Variants in GPA33 observed in about 807,000 individuals in gnomAD.
The protein encoded by GPA33 is cell surface A33 antigen.
In GPA33, 27 loss-of-function variants were observed where a neutral mutation model predicts 35.6. The ratio of observed to expected loss-of-function variants is 0.76; its 90% CI spans 0.56 to 1.04. GPA33 has a LOEUF of 1.04. GPA33 is among the 50% of genes least tolerant of loss of function. The pLI is 0.00. For missense variants in GPA33, 428 were observed against 411.9 expected, an observed-to-expected ratio of 1.04 and a Z score of -0.34; for synonymous variants, 176 against 164.0, an observed-to-expected ratio of 1.07 and a Z score of -0.56.
intron 1 of GPA33, among the ~76,000 whole-genome samples, chr1:167,089,261 G>T (rs1278253926): frequency 2.0e-5 from 3 of 152,116 alleles, no homozygotes; most frequent in Non-Finnish European, 4.4e-5. Context: ...CGTGGCCCGG[G>T]GCTTTCCTGT....
In GPA33 at chr1:167,055,814, T is replaced by C. The variant is rs375604494; in HGVS notation, c.607A>G (p.Thr203Ala). Residue 203 changes from threonine to alanine, a missense_variant, in exon 5 of 7, where the codon ACA becomes GCA. Coordinates refer to ENST00000367868, the MANE Select transcript of GPA33 (RefSeq NM_005814.3). ...CAGATGTAGTAACCCGATGTGTCTGTGGAGATATTCTTCAGGGAGACAGGC... is the reference window on the plus strand; with the variant it reads ...CAGATGTAGTAACCCGATGTGTCTGCGGAGATATTCTTCAGGGAGACAGGC... Reference protein sequence around the residue: ...GQPVSLKNISTDTSGYYICTS... With the variant: ...GQPVSLKNISADTSGYYICTS... 3.7e-6 allele frequency: 6 copies of C among 1,613,324 alleles called. No homozygotes were observed. In the African/African-American group the frequency reaches 8.0e-5, roughly 22 times the overall value.
rs893299195 is a variant in GPA33, at chr1:167,054,253, G to A, written c.*81C>T. 2 of 1,537,924 alleles carry A rather than the reference G, an allele frequency of 1.3e-6. No homozygotes were observed. The highest frequency in any genetic ancestry group is 1.8e-6 in the Non-Finnish European group (2 of 1,124,188). ...CTGGGATGGAGGGACAGGAGAACAG[G>A]GCTTAGAAAGGAGAAGGGAGGCCAG... is the stretch of plus-strand genomic sequence containing the variant. On this transcript the variant is annotated 3_prime_UTR_variant, in exon 7 of 7. Transcript: ENST00000367868.
chr1:167,076,052 AAGAGGAAGC>A (rs1366901871), intron 1 of GPA33, among the ~76,000 whole-genome samples: 2 of 152,168 alleles, frequency 1.3e-5, no homozygotes, highest in African/African-American at 4.8e-5. Flanking sequence ...CTGATGGGAC[AAGAGGAAGC>A]AGACAGTGTT....
chr1:167,066,148 A>G (rs1666588575), intron 3 of GPA33, among the ~76,000 whole-genome samples: 1 of 152,212 alleles, frequency 6.6e-6, no homozygotes, highest in African/African-American at 2.4e-5. Flanking sequence ...GCAAAACACC[A>G]ATCCCACCTG....
intron 1 of GPA33, among the ~76,000 whole-genome samples, chr1:167,074,598 T>C (rs1666783459): frequency 6.6e-6 from 1 of 152,168 alleles, no homozygotes; most frequent in Non-Finnish European, 1.5e-5. Flanking sequence ...TGGTTTGTTA[T>C]ACAGAATAGA....
chr1:167,055,622 C>G (rs1666225468), intron 5 of GPA33, 108 bp downstream of exon 5: 3 of 1,259,428 alleles, frequency 2.4e-6, no homozygotes, highest in Non-Finnish European at 1.1e-6. Context: ...GTGCGTGGCC[C>G]TAGAGAGGTT....
chr1:167,082,099 G>A lies in GPA33; in HGVS notation c.43+8146C>T, dbSNP rs566937613. ...TAGAACCCGAGGGATTCAATTCACG[G>A]TGTTGGACTGCATATATAAGGGAAT... On this transcript the variant is annotated intron_variant, in intron 1 of 6. Coordinates refer to ENST00000367868, the MANE Select transcript of GPA33 (RefSeq NM_005814.3). The A allele has an allele frequency of 1.1e-5, 4 of 371,190 alleles. No individual in the cohort carries two copies. In the Admixed American group the frequency reaches 1.4e-4, roughly 13 times the overall value. The allele number at this position is 371,190 out of a possible 1,614,324, so 23.0% of individuals were successfully genotyped here.
chr1:167,056,758 C>T (rs138267814), intron 4 of GPA33, among the ~76,000 whole-genome samples: 419 of 3,942 alleles, frequency 0.11, 3 homozygotes, highest in Admixed American at 0.12. Context: ...GTGTGTATGG[C>T]GTGTGTGTGG....
intron 2 of GPA33, among the ~76,000 whole-genome samples, chr1:167,069,753 A>G (rs571810352): frequency 1.3e-5 from 2 of 152,370 alleles, no homozygotes; most frequent in South Asian, 2.1e-4. Context: ...GATTCTGTTA[A>G]CTATTCTGCA....
chr1:167,082,159 C>T (rs1666962418), intron 1 of GPA33: 2 of 436,686 alleles, frequency 4.6e-6, no homozygotes, highest in South Asian at 3.3e-5. Context: ...ACAACAGTGT[C>T]CCAGTCCTAC....
At position 167,090,308 on chromosome 1, in the gene GPA33, C is replaced by T; in HGVS notation, c.-21G>A. 6.2e-7 allele frequency: 1 copy of T among 1,609,726 alleles called. No individual in the cohort carries two copies. The highest frequency in any genetic ancestry group is 8.5e-7 in the Non-Finnish European group (1 of 1,176,124). On this transcript the variant is annotated 5_prime_UTR_variant, in exon 1 of 7. Transcript: ENST00000367868. ...ACCATGGTCTTGCTTCTTCTCTGCC[C>T]TAAACCTAACCTGTCACTGGCAGCC...
At chr1:167,069,180 C>G in intron 2 of GPA33, 42 bp from the exon 3 acceptor site, 1 of 1,426,802 alleles carries the variant, frequency 7.0e-7, no homozygotes. Flanking sequence ...ACCCAAAGGC[C>G]CTTGCCTGGT....
intron 4 of GPA33, chr1:167,058,288 TC>T (rs1330419347): frequency 6.6e-6 from 1 of 152,212 alleles, no homozygotes; most frequent in Non-Finnish European, 1.5e-5. Context: ...AACTATTATT[TC>T]AATTCAATTC....
intron 1 of GPA33, 70 bp downstream of exon 1, chr1:167,090,175 C>A (rs972205293): frequency 9.1e-6 from 11 of 1,214,240 alleles, no homozygotes; most frequent in Admixed American, 1.7e-5. Context: ...CTGACAGAGC[C>A]TCTCCTTCAG....
chr1:167,076,205 G>T (rs956584068), intron 1 of GPA33, among the ~76,000 whole-genome samples: 3 of 152,206 alleles, frequency 2.0e-5, no homozygotes, highest in African/African-American at 7.2e-5. Context: ...GTTTGTTGAT[G>T]ATGAGAATGA....
chr1:167,082,441 G>T, intron 1 of GPA33: 1 of 391,096 alleles, frequency 2.6e-6, no homozygotes, highest in Admixed American at 3.2e-5. Flanking sequence ...GAGACCAGAG[G>T]GGCACAGAGG....
intron 4 of GPA33, among the ~76,000 whole-genome samples, chr1:167,061,586 GTTTTTTTTTT>G (rs397981830): frequency 2.7e-5 from 2 of 74,650 alleles, no homozygotes; most frequent in Non-Finnish European, 2.4e-5. Context: ...TCTACTAACT[GTTTTTTTTTT>G]TTTTTTTTTT....
chr1:167,078,255 A>T (rs1437538679), intron 1 of GPA33, among the ~76,000 whole-genome samples: 4 of 152,252 alleles, frequency 2.6e-5, no homozygotes, highest in African/African-American at 9.6e-5. Context: ...GGGAGATAAG[A>T]TAGATGCCCA....
At chr1:167,074,119 A>G (rs1666777148) in intron 1 of GPA33, among the ~76,000 whole-genome samples, 1 of 150,498 alleles carries the variant, frequency 6.6e-6, no homozygotes, top group Non-Finnish European at 1.5e-5. Context: ...TATCAGAACA[A>G]GGTTAGGAAA....
Sources: allele counts gnomAD v4.1 joint callset (sites outside exome capture counted in the v4.1 genomes callset), GRCh38; gene constraint gnomAD v4.1.1; transcripts MANE v1.5; gene names NCBI Gene and HGNC (gene_info 2026-07-23, HGNC 2026-07-21).